The following SLC31A1 variants were observed in gnomAD, a reference collection of about 807,000 sequenced individuals.
SLC31A1 encodes the protein high affinity copper uptake protein 1.
SLC31A1 carries 5 observed loss-of-function variants against 17.2 expected under a neutral mutation model. The observed-to-expected ratio is 0.29, with a 90% CI of 0.15 to 0.61. The LOEUF is 0.61. Ranked by LOEUF, SLC31A1 falls within the 20% of genes least tolerant of loss-of-function variation. The pLI is 0.86. For missense variants in SLC31A1, 161 were observed against 241.4 expected (o/e 0.67, Z 2.21); for synonymous variants, 76 against 78.8 (o/e 0.96, Z 0.19).
intron 1 of SLC31A1, among the ~76,000 whole-genome samples, chr9:113,245,332 C>T (rs2119002791): frequency 1.3e-5 from 2 of 152,164 alleles, no homozygotes; most frequent in South Asian, 4.2e-4. Flanking sequence ...AAGTGATCTA[C>T]CCACCTCAGC....
At chr9:113,224,755 C>T (rs79761064) in intron 1 of SLC31A1, among the ~76,000 whole-genome samples, 9,112 of 152,252 alleles carry the variant, frequency 0.06, 317 homozygotes, top group African/African-American at 0.082. Context: ...TCTGGTCTTT[C>T]GAAAGCATTC....
chr9:113,237,629 A>G (rs1193519236), intron 1 of SLC31A1, among the ~76,000 whole-genome samples: 1 of 152,226 alleles, frequency 6.6e-6, no homozygotes, highest in Non-Finnish European at 1.5e-5. Context: ...AATGATGACC[A>G]CTAGACTAAC....
chr9:113,256,379 T>C (rs2119015491), intron 2 of SLC31A1, 102 bp downstream of exon 2: 4 of 1,372,834 alleles, frequency 2.9e-6, no homozygotes, highest in Non-Finnish European at 4.0e-6. Flanking sequence ...TAAAGGTCAG[T>C]TTACCAGTGA....
rs947489196 is a variant in SLC31A1 at position 113,258,634 on chromosome 9, C to T, written c.203-60C>T. On this transcript the variant is annotated intron_variant, in intron 3 of 4. Transcript: ENST00000374212. The surrounding 1 kb of genome is among the most constrained non-coding windows in gnomAD (Gnocchi z 4.8). ...TATGTGTCTTTCTAGCTGGACAGCACATTGGCTAATGATTTTGCACATGTT... is the reference window on the plus strand; with the variant it reads ...TATGTGTCTTTCTAGCTGGACAGCATATTGGCTAATGATTTTGCACATGTT... 22 of 1,568,586 alleles carry T rather than the reference C, an allele frequency of 1.4e-5. No homozygotes were observed. The highest frequency in any genetic ancestry group is 6.8e-5 in the African/African-American group (5 of 73,938).
chr9:113,264,391 T>C lies in SLC31A1; in HGVS notation c.*3918T>C, dbSNP rs1831831704. 6.6e-6 allele frequency: 1 copy of C among 152,496 alleles called. No homozygotes were observed. 9.4% of individuals were successfully genotyped at this position (152,496 alleles called of 1,614,324 possible). On this transcript the variant is annotated 3_prime_UTR_variant, in exon 5 of 5. Coordinates refer to ENST00000374212, the MANE Select transcript of SLC31A1 (RefSeq NM_001859.4). Reference sequence around the variant, plus strand: ...TGGGTCTACAATTAATGTTGACTGTTTTAGATTGTAAGCTCCTGGAGAGCA... The same window carrying C: ...TGGGTCTACAATTAATGTTGACTGTCTTAGATTGTAAGCTCCTGGAGAGCA...
intron 1 of SLC31A1, among the ~76,000 whole-genome samples, chr9:113,230,241 A>G (rs1227302524): frequency 6.6e-6 from 1 of 152,200 alleles, no homozygotes; most frequent in Non-Finnish European, 1.5e-5. Context: ...CGTTTGTTTG[A>G]GAGACAGAGT....
rs1349387362 is a variant in SLC31A1 at position 113,262,535 on chromosome 9, T to A, written c.*2062T>A. 1 of 152,776 alleles carries A rather than the reference T, an allele frequency of 6.5e-6. No individual in the cohort carries two copies. Among genetic ancestry groups the A allele is most frequent in the South Asian group, 2.1e-4 (1 of 4,828 alleles). 9.5% of individuals were successfully genotyped at this position (152,776 alleles called of 1,614,324 possible). On this transcript the variant is annotated 3_prime_UTR_variant, in exon 5 of 5. Coordinates refer to ENST00000374212, the MANE Select transcript of SLC31A1 (RefSeq NM_001859.4). Reference sequence around the variant, plus strand: ...TTCTCTGTGGGTGCCAGTTAAATATTGGAGAGCAAGGAATGTGGACTTGTA... The same window carrying A: ...TTCTCTGTGGGTGCCAGTTAAATATAGGAGAGCAAGGAATGTGGACTTGTA...
At chr9:113,230,100 A>G (rs1215173383) in intron 1 of SLC31A1, among the ~76,000 whole-genome samples, 2 of 152,240 alleles carry the variant, frequency 1.3e-5, no homozygotes, top group African/African-American at 4.8e-5. Flanking sequence ...AAGAGAGCCT[A>G]ACAAATATCT....
At chr9:113,239,740 C>A (rs531641341) in intron 1 of SLC31A1, among the ~76,000 whole-genome samples, 1 of 152,204 alleles carries the variant, frequency 6.6e-6, no homozygotes, top group South Asian at 2.1e-4. Flanking sequence ...TGCGCCACCA[C>A]GCCCAGCTAA....
At position 113,258,711 on chromosome 9, in the gene SLC31A1, G is replaced by A. The variant is rs1303065770; in HGVS notation, c.220G>A (p.Val74Met). 2.5e-6 allele frequency: 4 copies of A among 1,614,184 alleles called. No homozygotes were observed. Among genetic ancestry groups the A allele is most frequent in the East Asian group, 4.5e-5 (2 of 44,880 alleles). The stretch of plus-strand genomic sequence containing the variant: ...ATACTTAGAAATGGCTGGAGCTTTT[G>A]TGGCAGTGTTTTTACTAGCAATGTT... ...NTAGEMAGAF[V>M]AVFLLAMFYE... The change falls in exon 4 of 5, where the codon GTG (valine) becomes ATG (methionine). Residue 74 changes from valine to methionine, a missense_variant. Val to Met is a conservative substitution (Grantham distance 21). Transcript: ENST00000374212. This position sits in a 1 kb window ranked among gnomAD's most constrained non-coding sequence, Gnocchi z 4.8.
intron 1 of SLC31A1, among the ~76,000 whole-genome samples, chr9:113,253,552 ATTTTTTTT>A (rs71491085): frequency 2.3e-5 from 3 of 128,822 alleles, no homozygotes; most frequent in Non-Finnish European, 1.6e-5. Flanking sequence ...GAGCTCTGTA[ATTTTTTTT>A]TTTTTTTTTT....
chr9:113,223,160 C>G (rs893877559), intron 1 of SLC31A1: 1 of 407,344 alleles, frequency 2.5e-6, no homozygotes, highest in Non-Finnish European at 5.0e-6. Context: ...TTTGTAGGTA[C>G]TCAGGAATCC....
chr9:113,238,733 C>T (rs1002226182), intron 1 of SLC31A1, among the ~76,000 whole-genome samples: 2 of 152,150 alleles, frequency 1.3e-5, no homozygotes, highest in South Asian at 2.1e-4. Context: ...CAAGCCTGGG[C>T]GACAGACTGT....
intron 1 of SLC31A1, among the ~76,000 whole-genome samples, chr9:113,233,841 T>C (rs1053066676): frequency 6.6e-6 from 1 of 152,234 alleles, no homozygotes; most frequent in Non-Finnish European, 1.5e-5. Context: ...TAATTAATAA[T>C]TGCACAATGT....
intron 1 of SLC31A1, among the ~76,000 whole-genome samples, chr9:113,226,428 A>G (rs1357930435): frequency 6.6e-6 from 1 of 152,174 alleles, no homozygotes; most frequent in Non-Finnish European, 1.5e-5. Context: ...TACAATGAAC[A>G]GTTTATGCCA....
At chr9:113,235,434 A>T (rs889050769) in intron 1 of SLC31A1, among the ~76,000 whole-genome samples, 17 of 152,374 alleles carry the variant, frequency 1.1e-4, no homozygotes, top group Admixed American at 9.8e-4. Context: ...AGAAATGAAA[A>T]GTTAAGTTGC....
intron 1 of SLC31A1, 114 bp from the exon 2 acceptor site, chr9:113,256,000 T>C (rs1831722948): frequency 2.8e-6 from 2 of 711,586 alleles, no homozygotes; most frequent in Non-Finnish European, 4.5e-6. Flanking sequence ...TGCCTGTGAA[T>C]AGCCATTGCA....
intron 1 of SLC31A1, among the ~76,000 whole-genome samples, chr9:113,227,979 C>G (rs950085085): frequency 3.9e-5 from 6 of 152,184 alleles, no homozygotes; most frequent in African/African-American, 1.4e-4. Flanking sequence ...AATGAGCAAG[C>G]AAGCTATTAT....
intron 1 of SLC31A1, among the ~76,000 whole-genome samples, chr9:113,236,764 G>A (rs1429226459): frequency 6.6e-6 from 1 of 152,162 alleles, no homozygotes; most frequent in African/African-American, 2.4e-5. Flanking sequence ...GACCAGAAAG[G>A]CTAAATTACC....
Sources: gnomAD v4.1 joint callset for allele counts (sites outside exome capture counted in the v4.1 genomes callset) on GRCh38, gnomAD v4.1.1 for gene constraint, Gnocchi (gnomAD v3.1) non-coding constraint, MANE v1.5 for transcripts, NCBI Gene and HGNC (gene_info 2026-07-23, HGNC 2026-07-21) for gene names.